Variants in ASRGL1 observed in about 807,000 individuals in gnomAD.
ASRGL1 encodes asparaginase and isoaspartyl peptidase 1.
A neutral mutation model predicts 22.4 loss-of-function variants in ASRGL1; 16 were observed. The observed-to-expected ratio is 0.71, with a 90% CI of 0.48 to 1.08. The LOEUF is 1.08. ASRGL1 is among the 50% of genes least tolerant of loss of function. The pLI is 0.00. For missense variants in ASRGL1, 412 were observed against 410.1 expected, an observed-to-expected ratio of 1.00 and a Z score of -0.04; for synonymous variants, 165 against 159.3, an observed-to-expected ratio of 1.04 and a Z score of -0.27.
intron 2 of ASRGL1, among the ~76,000 whole-genome samples, chr11:62,352,458 C>T (rs1435107809): frequency 3.3e-5 from 5 of 152,042 alleles, no homozygotes; most frequent in African/African-American, 7.2e-5. Context: ...TGGTGGCGCA[C>T]CTGTAATCCC....
intron 4 of ASRGL1, among the ~76,000 whole-genome samples, chr11:62,385,233 G>T (rs1336158648): frequency 6.6e-6 from 1 of 152,098 alleles, no homozygotes; most frequent in Non-Finnish European, 1.5e-5. Context: ...TTTGTTTATG[G>T]GTTTTTCCTT....
At chr11:62,338,596 G>A (rs1945785196) in intron 2 of ASRGL1, among the ~76,000 whole-genome samples, 1 of 152,198 alleles carries the variant, frequency 6.6e-6, no homozygotes, top group African/African-American at 2.4e-5. Context: ...GGAATCCACA[G>A]AAGGGAATGT....
intron 4 of ASRGL1, among the ~76,000 whole-genome samples, chr11:62,375,449 T>C (rs1177829536): frequency 8.3e-5 from 6 of 71,858 alleles, no homozygotes; most frequent in African/African-American, 2.5e-4. Flanking sequence ...TATATATATA[T>C]ATATATATAT....
intron 4 of ASRGL1, chr11:62,373,177 G>T (rs1946821114): frequency 3.4e-6 from 4 of 1,178,398 alleles, no homozygotes; most frequent in Non-Finnish European, 5.1e-6. Flanking sequence ...ACCCTCTGAT[G>T]CTCCCAGAGA....
chr11:62,388,114 A>G (rs1020766364), intron 4 of ASRGL1, among the ~76,000 whole-genome samples: 2 of 152,192 alleles, frequency 1.3e-5, no homozygotes, highest in Admixed American at 6.5e-5. Context: ...ACTGTCCTGA[A>G]TCCTCTAGGC....
At chr11:62,347,816 A>G (rs1005643941) in intron 2 of ASRGL1, among the ~76,000 whole-genome samples, 2 of 152,184 alleles carry the variant, frequency 1.3e-5, no homozygotes, top group Non-Finnish European at 1.5e-5. Flanking sequence ...AGTCCCAGCT[A>G]CTTGGGAGGC....
intron 2 of ASRGL1, among the ~76,000 whole-genome samples, chr11:62,345,578 T>C (rs1211040735): frequency 6.6e-6 from 1 of 152,132 alleles, no homozygotes; most frequent in Non-Finnish European, 1.5e-5. Context: ...CCAGCACCAA[T>C]TGTTGAAAAG....
chr11:62,371,311 C>T (rs1946756957), intron 4 of ASRGL1: 4 of 1,369,606 alleles, frequency 2.9e-6, no homozygotes, highest in South Asian at 1.4e-5. Context: ...CGGCCTGGAG[C>T]TCGACGGGGC....
At chr11:62,381,556 A>G (rs544497558) in intron 4 of ASRGL1, among the ~76,000 whole-genome samples, 1 of 152,156 alleles carries the variant, frequency 6.6e-6, no homozygotes, top group Non-Finnish European at 1.5e-5. Flanking sequence ...ATCATTCCAT[A>G]CGGTAAGTGG....
intron 1 of ASRGL1, 21 bp from the exon 2 acceptor site, chr11:62,337,869 G>T: frequency 8.1e-7 from 1 of 1,232,522 alleles, no homozygotes; most frequent in East Asian, 2.6e-5. Flanking sequence ...TCAGAACAGA[G>T]ACTGGGCATT....
rs1405663333 is a variant in ASRGL1, at chr11:62,356,422, G to C, written c.288G>C (p.Gln96His). Residue 96 changes from glutamine to histidine, a missense_variant, in exon 3 of 7, where the codon CAG becomes CAC. Transcript: ENST00000415229. ...DLSAGAVSAV[Q>H]CIANPIKLAR... ...CTGCAGGAGCAGTGTCCGCAGTCCAGTGTATAGCAAATCCCATTAAACTTG... is the reference window on the plus strand; with the variant it reads ...CTGCAGGAGCAGTGTCCGCAGTCCACTGTATAGCAAATCCCATTAAACTTG... The C allele has an allele frequency of 6.2e-7, 1 of 1,614,146 alleles. No individual in the cohort carries two copies. Among genetic ancestry groups the C allele is most frequent in the African/African-American group, 1.3e-5 (1 of 74,952 alleles).
At chr11:62,362,457 A>AAT (rs1230044191) in intron 4 of ASRGL1, among the ~76,000 whole-genome samples, 10 of 123,250 alleles carry the variant, frequency 8.1e-5, no homozygotes, top group South Asian at 2.2e-4. Context: ...TGTAACCAAA[A>AAT]ATATATATAT....
chr11:62,386,987 G>A (rs1947228620), intron 4 of ASRGL1, among the ~76,000 whole-genome samples: 2 of 151,752 alleles, frequency 1.3e-5, no homozygotes, highest in South Asian at 4.2e-4. Context: ...CCACCTCCTG[G>A]GTTCAAGCGA....
intron 2 of ASRGL1, among the ~76,000 whole-genome samples, chr11:62,350,623 T>C (rs1565155334): frequency 6.6e-6 from 1 of 151,976 alleles, no homozygotes; most frequent in African/African-American, 2.4e-5. Context: ...TGGTGAAACC[T>C]CATCTCTACT....
rs1565169632 is a variant in ASRGL1, at chr11:62,375,482, T to TATATATATATA, written c.492-13651_492-13650insATATATATATA. 3.0e-4 allele frequency among the ~76,000 whole-genome samples: 21 copies of TATATATATATA among 70,920 alleles called. 1 individual carries two copies. Among genetic ancestry groups the TATATATATATA allele is most frequent in the South Asian group, 2.1e-3 (4 of 1,862 alleles). 46.5% of individuals were successfully genotyped at this position (70,920 alleles called of 152,430 possible). ...TATATATATATATATATATATATAT[T>TATATATATATA]TCTTGGAGTAAACATTTTAAATAAA... On this transcript the variant is annotated intron_variant, in intron 4 of 6. Transcript: ENST00000415229.
chr11:62,399,119 G>A, the ASRGL1 span, among the ~76,000 whole-genome samples: 4 of 152,336 alleles, frequency 2.6e-5, no homozygotes, highest in Admixed American at 2.6e-4. Context: ...AGGAGACTGA[G>A]GCAGGAGAAT....
chr11:62,386,458 A>ATCATACATATCATAGATATGTACATC (rs1947208386), intron 4 of ASRGL1, among the ~76,000 whole-genome samples: 1 of 152,152 alleles, frequency 6.6e-6, no homozygotes, highest in Non-Finnish European at 1.5e-5. Context: ...ATATGTACAT[A>ATCATACATATCATAGATATGTACATC]TCATACATAT....
intron 2 of ASRGL1, among the ~76,000 whole-genome samples, chr11:62,344,120 A>G (rs541745130): frequency 9.1e-4 from 136 of 149,556 alleles, no homozygotes; most frequent in Middle Eastern, 3.4e-3. Context: ...CTGATCTTGA[A>G]CTCCTGACCT....
At chr11:62,360,745 C>T (rs1252106278) in intron 4 of ASRGL1, among the ~76,000 whole-genome samples, 1 of 152,166 alleles carries the variant, frequency 6.6e-6, no homozygotes, top group Non-Finnish European at 1.5e-5. Context: ...ATCATGGCAA[C>T]CTCCTTCTTT....
Sources: gnomAD v4.1 joint callset for allele counts (sites outside exome capture counted in the v4.1 genomes callset) on GRCh38, gnomAD v4.1.1 for gene constraint, MANE v1.5 for transcripts, NCBI Gene and HGNC (gene_info 2026-07-23, HGNC 2026-07-21) for gene names.